Variants in COL14A1 observed in about 807,000 individuals in gnomAD.
The protein encoded by COL14A1 is collagen type XIV alpha 1 chain, also known as collagen alpha-1(XIV) chain.
In COL14A1, 136 loss-of-function variants were observed where a neutral mutation model predicts 230.3. The ratio of observed to expected loss-of-function variants is 0.59; its 90% CI spans 0.51 to 0.68. The LOEUF (loss-of-function observed/expected upper bound fraction) is 0.68, where lower values mean the gene tolerates loss of function less well. Among genes scored for constraint, COL14A1 ranks in the 30% least tolerant of loss-of-function variants. The pLI is 0.00. For synonymous variants in COL14A1, 792 were observed against 784.1 expected, an observed-to-expected ratio of 1.01 and a Z score of -0.17; for missense variants, 1,976 against 2,215.8, an observed-to-expected ratio of 0.89 and a Z score of 2.17.
intron 34 of COL14A1, among the ~76,000 whole-genome samples, chr8:120,290,736 C>T (rs2129965224): frequency 6.6e-6 from 1 of 152,278 alleles, no homozygotes; most frequent in Non-Finnish European, 1.5e-5. Context: ...CTACCATTCA[C>T]TTAGTACACA....
At chr8:120,174,635 A>G (rs1211252291) in intron 5 of COL14A1, among the ~76,000 whole-genome samples, 1 of 152,170 alleles carries the variant, frequency 6.6e-6, no homozygotes, top group African/African-American at 2.4e-5. Context: ...TCAGGCAGGC[A>G]CTATCTCAAA....
At position 120,219,833 on chromosome 8, in the gene COL14A1, T is replaced by C. The variant is rs115705547; in HGVS notation, c.1737+3343T>C. On this transcript the variant is annotated intron_variant, in intron 14 of 47. Transcript: ENST00000297848. ...TCAGTCTTGGGGAAGCTGCTAGCAT[T>C]TGCTATTTCTGGGAAATTAGAAAGC... Among the ~76,000 whole-genome samples, 517 of 152,314 alleles carry C rather than the reference T, an allele frequency of 3.4e-3. 2 individuals are homozygous for C. Among genetic ancestry groups the C allele is most frequent in the African/African-American group, 0.012 (489 of 41,570 alleles).
At chr8:120,338,364 A>G (rs1807199526) in intron 42 of COL14A1, among the ~76,000 whole-genome samples, 1 of 152,184 alleles carries the variant, frequency 6.6e-6, no homozygotes, top group Admixed American at 6.5e-5. Context: ...ACAGAGTGGT[A>G]GAGTGTACTC....
intron 45 of COL14A1, among the ~76,000 whole-genome samples, chr8:120,366,274 C>T (rs1015369225): frequency 6.6e-6 from 1 of 152,178 alleles, no homozygotes; most frequent in Admixed American, 6.5e-5. Context: ...TCAAATTGGC[C>T]ATTTTTCACT....
chr8:120,250,846 CG>C, intron 22 of COL14A1, 80 bp downstream of exon 22: 1 of 1,524,516 alleles, frequency 6.6e-7, no homozygotes, highest in Admixed American at 1.9e-5. Flanking sequence ...CTCGCTCTGT[CG>C]CTCAGGCTGG....
At chr8:120,237,224 T>C (rs1818473467) in intron 19 of COL14A1, among the ~76,000 whole-genome samples, 1 of 152,222 alleles carries the variant, frequency 6.6e-6, no homozygotes, top group South Asian at 2.1e-4. Flanking sequence ...CGTTCCATTC[T>C]CCCTGTCACT....
chr8:120,331,543 C>T (rs1293542613), intron 40 of COL14A1, among the ~76,000 whole-genome samples: 1 of 152,098 alleles, frequency 6.6e-6, no homozygotes, highest in Non-Finnish European at 1.5e-5. Context: ...TTATAAAGAA[C>T]ATCACTTGCT....
intron 14 of COL14A1, among the ~76,000 whole-genome samples, chr8:120,219,532 A>C (rs1199409458): frequency 6.6e-6 from 1 of 152,070 alleles, no homozygotes; most frequent in Non-Finnish European, 1.5e-5. Flanking sequence ...CTGTGCCCTT[A>C]CCTGGTGGAA....
chr8:120,326,194 C>T (rs988827116), intron 40 of COL14A1, among the ~76,000 whole-genome samples: 1 of 152,152 alleles, frequency 6.6e-6, no homozygotes, highest in Non-Finnish European at 1.5e-5. Flanking sequence ...AGACTCATGC[C>T]ATGGACCCAA....
chr8:120,227,820 T>A lies in COL14A1; in HGVS notation c.2137+468T>A, dbSNP rs1818146574. On this transcript the variant is annotated intron_variant, in intron 17 of 47. Coordinates refer to ENST00000297848, the MANE Select transcript of COL14A1 (RefSeq NM_021110.4). ...CAAAATTTACTTGCTGATTCATTCA[T>A]CTCTTCATTTTTAAAATATGAGGTA... 2.0e-5 allele frequency among the ~76,000 whole-genome samples: 3 copies of A among 152,230 alleles called. No individual in the cohort carries two copies. In the South Asian group the frequency reaches 6.2e-4, roughly 32 times the overall value.
chr8:120,247,541 G>T, intron 20 of COL14A1, 72 bp from the exon 21 acceptor site: 1 of 1,354,906 alleles, frequency 7.4e-7, no homozygotes, highest in Non-Finnish European at 9.9e-7. Context: ...CTTATATTTT[G>T]ATGGCATCAG....
At chr8:120,212,356 AT>A in intron 12 of COL14A1, 91 bp from the exon 13 acceptor site, 1 of 1,320,056 alleles carries the variant, frequency 7.6e-7, no homozygotes, top group South Asian at 1.4e-5. Context: ...GTAAAGTCTT[AT>A]CCCATGAAGT....
chr8:120,235,402 C>A (rs545262767), intron 19 of COL14A1, among the ~76,000 whole-genome samples: 21 of 152,186 alleles, frequency 1.4e-4, no homozygotes, highest in African/African-American at 4.8e-4. Flanking sequence ...AACTCCTGAC[C>A]CTGTTATCTG....
At position 120,235,652 on chromosome 8, in the gene COL14A1, C is replaced by T. The variant is rs1001471856; in HGVS notation, c.2349+4034C>T. 5.3e-5 allele frequency among the ~76,000 whole-genome samples: 8 copies of T among 152,104 alleles called. No homozygotes were observed. The East Asian group carries it at 1.4e-3, about 26-fold the overall frequency. On this transcript the variant is annotated intron_variant, in intron 19 of 47. Transcript: ENST00000297848. ...TCTGATCTTAGTTATTTCTTGTCTT[C>T]TGCTAGCTTTTGAATTTGTTTGCTC...
chr8:120,248,917 CTTT>C (rs71571673), intron 21 of COL14A1, among the ~76,000 whole-genome samples: 3 of 84,196 alleles, frequency 3.6e-5, no homozygotes, highest in South Asian at 4.5e-4. Context: ...TTCAATCTTT[CTTT>C]TTTTTTTTTT....
intron 8 of COL14A1, among the ~76,000 whole-genome samples, chr8:120,201,789 G>A (rs899272004): frequency 1.3e-5 from 2 of 152,132 alleles, no homozygotes; most frequent in Non-Finnish European, 2.9e-5. Context: ...GGTTGTTGGG[G>A]TACAAAGATG....
chr8:120,226,857 G>T, intron 16 of COL14A1, 91 bp downstream of exon 16: 1 of 1,182,248 alleles, frequency 8.5e-7, no homozygotes, highest in African/African-American at 1.5e-5. Context: ...AAATATATTA[G>T]GAATCCCAGA....
At chr8:120,240,692 A>G (rs1818584131) in intron 19 of COL14A1, among the ~76,000 whole-genome samples, 1 of 152,216 alleles carries the variant, frequency 6.6e-6, no homozygotes. Flanking sequence ...TGTATATGTT[A>G]TACACTGTGT....
chr8:120,144,510 A>C (rs1303187579), intron 1 of COL14A1, among the ~76,000 whole-genome samples: 1 of 152,206 alleles, frequency 6.6e-6, no homozygotes, highest in Admixed American at 6.5e-5. Flanking sequence ...CTTGATTTAA[A>C]AAAATTCTTA....
Sources: gnomAD v4.1 joint callset for allele counts (sites outside exome capture counted in the v4.1 genomes callset) on GRCh38, gnomAD v4.1.1 for gene constraint, MANE v1.5 for transcripts, NCBI Gene and HGNC (gene_info 2026-07-23, HGNC 2026-07-21) for gene names.